PCDHGA9: variants seen among roughly 807,000 people sequenced by gnomAD.
PCDHGA9 encodes protocadherin gamma-A9.
In PCDHGA9, 37 loss-of-function variants were observed where a neutral mutation model predicts 62.5. The observed-to-expected ratio is 0.59, with a 90% CI of 0.46 to 0.78. The LOEUF is 0.78. Ranked by LOEUF, PCDHGA9 falls within the 30% of genes least tolerant of loss-of-function variation. The probability of loss-of-function intolerance (pLI) is 0.00; values close to 1 mark genes in which losing one functional copy is unlikely to be tolerated. For missense variants in PCDHGA9, 1,138 were observed against 1,166.2 expected (o/e 0.98, Z 0.35); for synonymous variants, 459 against 484.6 (o/e 0.95, Z 0.69).
chr5:141,431,858 G>T lies in PCDHGA9; in HGVS notation c.2424+26482G>T, dbSNP rs1421209596. On this transcript the variant is annotated intron_variant, in intron 1 of 3. Coordinates refer to ENST00000573521, the MANE Select transcript of PCDHGA9 (RefSeq NM_018921.3). This position sits in a 1 kb window ranked among gnomAD's most constrained non-coding sequence, Gnocchi z 4.8. ...AAACTCTCCCAGAGGGACATTAATTGCCCTTTTAAATGTAAATGACCAAGA... is the reference window on the plus strand; with the variant it reads ...AAACTCTCCCAGAGGGACATTAATTTCCCTTTTAAATGTAAATGACCAAGA... 6.8e-6 allele frequency: 11 copies of T among 1,614,080 alleles called. No homozygotes were observed. The highest frequency in any genetic ancestry group is 8.5e-6 in the Non-Finnish European group (10 of 1,180,028).
rs995968509 is a variant in PCDHGA9, at chr5:141,477,065, C to T, written c.2425-17742C>T. ...TCGGCTGGACTTCGAGGACACCAAA[C>T]TCCATGAGATTTACATCCAGGCCAA... On this transcript the variant is annotated intron_variant, in intron 1 of 3. Coordinates refer to ENST00000573521, the MANE Select transcript of PCDHGA9 (RefSeq NM_018921.3). The surrounding 1 kb of genome is among the most constrained non-coding windows in gnomAD (Gnocchi z 4.9). 15 of 1,614,144 alleles carry T rather than the reference C, an allele frequency of 9.3e-6. No homozygotes were observed. The highest frequency in any genetic ancestry group is 3.3e-5 in the Admixed American group (2 of 60,018).
At chr5:141,419,170 C>T (rs758796140) in intron 1 of PCDHGA9, 4 of 1,613,966 alleles carry the variant, frequency 2.5e-6, no homozygotes, top group Non-Finnish European at 3.4e-6. Context: ...CCAGCAAAAC[C>T]ATAACCCTGC....
At chr5:141,413,179 G>C in intron 1 of PCDHGA9, 1 of 1,602,658 alleles carries the variant, frequency 6.2e-7, no homozygotes. Context: ...GACTACAATG[G>C]CCGCTCAAAG....
rs567061101 is a variant in PCDHGA9 at position 141,432,791 on chromosome 5, C to T, written c.2424+27415C>T. The T allele has an allele frequency of 2.7e-5, 44 of 1,614,064 alleles. No homozygotes were observed. Among genetic ancestry groups the T allele is most frequent in the Admixed American group, 8.3e-5 (5 of 60,034 alleles). On this transcript the variant is annotated intron_variant, in intron 1 of 3. Coordinates refer to ENST00000573521, the MANE Select transcript of PCDHGA9 (RefSeq NM_018921.3). The surrounding 1 kb of genome is among the most constrained non-coding windows in gnomAD (Gnocchi z 6.0). ...CCAAGTCCTGGCGGACCTCGGCAGC[C>T]TCGAGTCTCCAGCTAACTCTGAAAC... is the stretch of plus-strand genomic sequence containing the variant.
rs754039673 is a variant in PCDHGA9, at chr5:141,404,653, C to A, written c.1701C>A (p.Leu567=). ...CCCCAGAAATCCTGTACCCTGCCCT[C>A]CCCACTGATGGTTCTACTGGTGTGG... ...DNAPEILYPA[L]PTDGSTGVEL... Residue 567 remains leucine (L), a synonymous_variant, in exon 1 of 4, where the codon CTC becomes CTA. Transcript: ENST00000573521. The A allele has an allele frequency of 2.4e-5, 39 of 1,614,206 alleles. No individual in the cohort carries two copies. The highest frequency in any genetic ancestry group is 3.1e-5 in the Non-Finnish European group (37 of 1,180,030).
intron 1 of PCDHGA9, among the ~76,000 whole-genome samples, chr5:141,462,160 A>T (rs575238638): frequency 4.6e-5 from 7 of 152,122 alleles, no homozygotes; most frequent in Non-Finnish European, 1.0e-4. Flanking sequence ...GGGTTTCATC[A>T]TGTTGGCCAG....
At position 141,497,103 on chromosome 5, in the gene PCDHGA9, T is replaced by C. The variant is rs182534106; in HGVS notation, c.2483+2238T>C. On this transcript the variant is annotated intron_variant, in intron 2 of 3. Transcript: ENST00000573521. ...ACTTAGGAGGCTGAGGCAGAACTGC[T>C]TGAACCCGGAAGGCAGAGGTTGCAG... Among the ~76,000 whole-genome samples, 34 of 152,160 alleles carry C rather than the reference T, an allele frequency of 2.2e-4. 1 individual carries two copies. Among genetic ancestry groups the C allele is most frequent in the Admixed American group, 6.6e-4 (10 of 15,264 alleles).
intron 1 of PCDHGA9, chr5:141,419,030 C>G (rs1178461733): frequency 5.0e-6 from 8 of 1,613,768 alleles, no homozygotes; most frequent in Non-Finnish European, 6.8e-6. Context: ...TAGAGGTGTT[C>G]CATTTAAGAT....
chr5:141,487,475 C>T lies in PCDHGA9; in HGVS notation c.2425-7332C>T, dbSNP rs781308835. On this transcript the variant is annotated intron_variant, in intron 1 of 3. Coordinates refer to ENST00000573521, the MANE Select transcript of PCDHGA9 (RefSeq NM_018921.3). The surrounding 1 kb of genome is among the most constrained non-coding windows in gnomAD (Gnocchi z 5.0). ...TATCAAGTTTGTTGATGTGGGAGGC[C>T]ACTCTCATGGCTGTACACCCTTGGC... 1.2e-6 allele frequency: 2 copies of T among 1,614,156 alleles called. No homozygotes were observed. Among genetic ancestry groups the T allele is most frequent in the South Asian group, 1.1e-5 (1 of 91,080 alleles).
At position 141,430,919 on chromosome 5, in the gene PCDHGA9, C is replaced by A. The variant is rs377613499; in HGVS notation, c.2424+25543C>A. The A allele has an allele frequency of 6.2e-7, 1 of 1,607,492 alleles. No homozygotes were observed. Among genetic ancestry groups the A allele is most frequent in the Admixed American group, 1.7e-5 (1 of 58,806 alleles). The stretch of plus-strand genomic sequence containing the variant: ...GGGCGACATCTCCAGGGACCTGGGG[C>A]TGGAGCCCCGGGAGCTCGCGGAGCG... On this transcript the variant is annotated intron_variant, in intron 1 of 3. Transcript: ENST00000573521.
chr5:141,407,143 A>G (rs2154538062), intron 1 of PCDHGA9, among the ~76,000 whole-genome samples: 1 of 152,360 alleles, frequency 6.6e-6, no homozygotes, highest in East Asian at 1.9e-4. Flanking sequence ...AAGAAAAAAA[A>G]GCTGAAGTGT....
intron 1 of PCDHGA9, among the ~76,000 whole-genome samples, chr5:141,481,790 A>C (rs2154579313): frequency 6.6e-6 from 1 of 152,222 alleles, no homozygotes; most frequent in East Asian, 1.9e-4. Flanking sequence ...CGTCTCTACT[A>C]AAAATACAAA....
intron 1 of PCDHGA9, chr5:141,422,227 A>G: frequency 6.4e-7 from 1 of 1,566,716 alleles, no homozygotes; most frequent in Non-Finnish European, 8.6e-7. Context: ...CACCACGACG[A>G]TGTTGATCAC....
intron 1 of PCDHGA9, chr5:141,412,531 T>G (rs534627173): frequency 1.7e-4 from 26 of 152,304 alleles, no homozygotes; most frequent in African/African-American, 5.8e-4. Flanking sequence ...GTTACAATTA[T>G]AAAGCTTCAG....
intron 3 of PCDHGA9, among the ~76,000 whole-genome samples, chr5:141,505,875 T>C (rs991981462): frequency 2.6e-4 from 40 of 152,140 alleles, no homozygotes; most frequent in African/African-American, 9.2e-4. Flanking sequence ...AAAGGGTTGT[T>C]GTAGAGATTA....
rs4042104 is a variant in PCDHGA9 at position 141,489,091 on chromosome 5, T to TAAG, written c.2425-5713_2425-5711dup. On this transcript the variant is annotated intron_variant, in intron 1 of 3. Transcript: ENST00000573521. This position sits in a 1 kb window ranked among gnomAD's most constrained non-coding sequence, Gnocchi z 4.5. Reference sequence around the variant, plus strand: ...CTGCCCACCCCCGCCACTCGGTGACTAAGAACTGCTGCAAGCAGGCAAACC... The same window carrying TAAG: ...CTGCCCACCCCCGCCACTCGGTGACTAAGAAGAACTGCTGCAAGCAGGCAAACC... 136,009 of 332,164 alleles carry TAAG rather than the reference T, an allele frequency of 0.41. 28,517 individuals are homozygous for TAAG. The highest frequency in any genetic ancestry group is 0.54 in the Admixed American group (11,651 of 21,676). The allele number at this position is 332,164 out of a possible 1,614,324, so 20.6% of individuals were successfully genotyped here.
chr5:141,418,637 T>A, intron 1 of PCDHGA9: 1 of 1,613,998 alleles, frequency 6.2e-7, no homozygotes. Context: ...TCCAGGCACC[T>A]CCATCCTGAG....
In PCDHGA9 at chr5:141,487,161, T is replaced by C; in HGVS notation, c.2425-7646T>C. Reference sequence around the variant, plus strand: ...CTCTCTACCTCTGTTACTCTCTTAGTGTCCTTAGAGGAAGACACTCATCCA... The same window carrying C: ...CTCTCTACCTCTGTTACTCTCTTAGCGTCCTTAGAGGAAGACACTCATCCA... On this transcript the variant is annotated intron_variant, in intron 1 of 3. Coordinates refer to ENST00000573521, the MANE Select transcript of PCDHGA9 (RefSeq NM_018921.3). This position sits in a 1 kb window ranked among gnomAD's most constrained non-coding sequence, Gnocchi z 5.0. 6.2e-7 allele frequency: 1 copy of C among 1,613,528 alleles called. No homozygotes were observed.
At chr5:141,430,581 C>A in intron 1 of PCDHGA9, 1 of 483,436 alleles carries the variant, frequency 2.1e-6, no homozygotes, top group Non-Finnish European at 3.4e-6. Context: ...GGAGATCCTG[C>A]TCGCCTTGCA....
Sources: gnomAD v4.1 joint callset for allele counts (sites outside exome capture counted in the v4.1 genomes callset) on GRCh38, gnomAD v4.1.1 for gene constraint, Gnocchi (gnomAD v3.1) non-coding constraint, MANE v1.5 for transcripts, NCBI Gene and HGNC (gene_info 2026-07-23, HGNC 2026-07-21) for gene names.